Variants in SLC8A3 observed in about 807,000 individuals in gnomAD.
SLC8A3 encodes sodium/calcium exchanger 3.
SLC8A3 carries 37 observed loss-of-function variants against 65.4 expected under a neutral mutation model. That is an observed-to-expected ratio of 0.57 (90% CI 0.44 to 0.74). The LOEUF is 0.74. SLC8A3 is among the 30% of genes least tolerant of loss of function. SLC8A3 has a pLI of 0.00. For synonymous variants in SLC8A3, 461 were observed against 444.5 expected (o/e 1.04, Z -0.47); for missense variants, 1,112 against 1,172.1 (o/e 0.95, Z 0.75).
chr14:70,179,024 C>T (rs547362968), intron 1 of SLC8A3, among the ~76,000 whole-genome samples: 1 of 152,234 alleles, frequency 6.6e-6, no homozygotes, highest in East Asian at 1.9e-4. Flanking sequence ...TTGTTTTGCT[C>T]CACCCATACT....
rs538835195 is a variant in SLC8A3, at chr14:70,079,660, C to G, written c.1785-18721G>C. The stretch of plus-strand genomic sequence containing the variant: ...CCCACCCCCATGCCATATAATCACG[C>G]ACCCTGGGAAATGCAGCCTTGCCAA... On this transcript the variant is annotated intron_variant, in intron 2 of 6. Coordinates refer to ENST00000356921, the MANE Select transcript of SLC8A3 (RefSeq NM_182932.3). Among the ~76,000 whole-genome samples, 5 of 152,202 alleles carry G rather than the reference C, an allele frequency of 3.3e-5. 1 individual carries two copies. Among genetic ancestry groups the G allele is most frequent in the African/African-American group, 1.2e-4 (5 of 41,538 alleles).
chr14:70,184,465 G>C (rs1054194835), intron 1 of SLC8A3, among the ~76,000 whole-genome samples: 3 of 152,036 alleles, frequency 2.0e-5, no homozygotes, highest in Non-Finnish European at 2.9e-5. Context: ...ATCCATGTTA[G>C]GTCTTTACAT....
chr14:70,066,350 A>T (rs1295907162), intron 2 of SLC8A3, among the ~76,000 whole-genome samples: 1 of 152,120 alleles, frequency 6.6e-6, no homozygotes, highest in Non-Finnish European at 1.5e-5. Flanking sequence ...TTCTTTCCAA[A>T]CTTGTTCTTT....
At chr14:70,125,710 G>T (rs1894397772) in intron 2 of SLC8A3, among the ~76,000 whole-genome samples, 1 of 152,030 alleles carries the variant, frequency 6.6e-6, no homozygotes, top group Non-Finnish European at 1.5e-5. Context: ...GGGATTGCTG[G>T]ATCATATGGT....
chr14:70,048,890 T>A lies in SLC8A3; in HGVS notation c.2266A>T (p.Ile756Phe), dbSNP rs1426607884. ...GCGGTGAGCATGCCAATGATGAGGA[T>A]GGAGACGGCGAAGCAGGCCCAGCCG... is the stretch of plus-strand genomic sequence containing the variant. ...CHGWACFAVSILIIGMLTAII... is the reference protein window; with the variant it reads ...CHGWACFAVSFLIIGMLTAII... The change falls in exon 6 of 7, where the codon ATC becomes TTC. Residue 756 changes from isoleucine to phenylalanine, a missense_variant. Coordinates refer to ENST00000356921, the MANE Select transcript of SLC8A3 (RefSeq NM_182932.3). 6.2e-7 allele frequency: 1 copy of A among 1,614,130 alleles called. No individual in the cohort carries two copies. The highest frequency in any genetic ancestry group is 8.5e-7 in the Non-Finnish European group (1 of 1,180,016).
Position 70,046,781 on chromosome 14 carries a change from AGGTGCT to A in SLC8A3, c.2390-464_2390-459del, listed in dbSNP as rs752775482. On this transcript the variant is annotated intron_variant, in intron 6 of 6. Transcript: ENST00000356921. This position sits in a 1 kb window ranked among gnomAD's most constrained non-coding sequence, Gnocchi z 4.2. The stretch of plus-strand genomic sequence containing the variant: ...ATGCCTACTGATTGAGCACTGGGTG[AGGTGCT>A]GGATTTTGGGGACAGAGGACATGTT... The A allele has an allele frequency of 1.3e-5, 2 of 158,102 alleles. 1 individual carries two copies. The allele number at this position is 158,102 out of a possible 1,614,324, so 9.8% of individuals were successfully genotyped here. A position where few individuals can be genotyped will look rare whatever the true frequency, so the allele number is the denominator to read the frequency against.
intron 2 of SLC8A3, among the ~76,000 whole-genome samples, chr14:70,109,624 T>C (rs1471986353): frequency 6.6e-6 from 1 of 151,902 alleles, no homozygotes; most frequent in Non-Finnish European, 1.5e-5. Flanking sequence ...TGGCTAATTT[T>C]TGTATTTTTG....
intron 2 of SLC8A3, among the ~76,000 whole-genome samples, chr14:70,070,518 T>C (rs546804723): frequency 1.5e-4 from 23 of 152,164 alleles, no homozygotes; most frequent in Non-Finnish European, 3.1e-4. Flanking sequence ...AACTATTGAT[T>C]TGTGGATCCA....
intron 2 of SLC8A3, among the ~76,000 whole-genome samples, chr14:70,079,618 C>A (rs977909304): frequency 2.6e-5 from 4 of 152,082 alleles, no homozygotes; most frequent in African/African-American, 9.7e-5. Context: ...GTTCCATGTC[C>A]GGGCATCATA....
chr14:70,148,858 G>A, intron 2 of SLC8A3, among the ~76,000 whole-genome samples: 1 of 152,184 alleles, frequency 6.6e-6, no homozygotes, highest in Non-Finnish European at 1.5e-5. Flanking sequence ...AGAGATGCGA[G>A]TGGGGCCGTG....
intron 1 of SLC8A3, among the ~76,000 whole-genome samples, chr14:70,174,662 G>GTTTT (rs10527244): frequency 4.5e-5 from 3 of 66,516 alleles, no homozygotes; most frequent in Admixed American, 1.7e-4. Context: ...TTTTTTTTTT[G>GTTTT]TTTTTTTTTT....
At chr14:70,149,052 G>A (rs1384116427) in intron 2 of SLC8A3, among the ~76,000 whole-genome samples, 1 of 152,202 alleles carries the variant, frequency 6.6e-6, no homozygotes, top group African/African-American at 2.4e-5. Flanking sequence ...AGTGGTCAGG[G>A]CTGGGGTTGC....
intron 2 of SLC8A3, chr14:70,063,748 C>T: frequency 1.2e-6 from 1 of 815,138 alleles, no homozygotes; most frequent in South Asian, 1.6e-5. Flanking sequence ...GAGGAGGAGA[C>T]AAATGGGTTG....
At chr14:70,061,532 AAGAGAG>A (rs149638039) in intron 2 of SLC8A3, among the ~76,000 whole-genome samples, 4 of 148,044 alleles carry the variant, frequency 2.7e-5, no homozygotes, top group African/African-American at 1.0e-4. Context: ...AGAGGAAGAG[AAGAGAG>A]AGAGAGAGAG....
intron 2 of SLC8A3, among the ~76,000 whole-genome samples, chr14:70,099,120 T>C (rs1012077868): frequency 1.3e-5 from 2 of 152,210 alleles, no homozygotes; most frequent in Non-Finnish European, 2.9e-5. Context: ...ACCATTTTCT[T>C]GCTATTTTCC....
chr14:70,104,701 A>G (rs1892741066), intron 2 of SLC8A3, among the ~76,000 whole-genome samples: 1 of 152,236 alleles, frequency 6.6e-6, no homozygotes. Context: ...ATTTCTAAAC[A>G]GCCTATGGGC....
chr14:70,098,467 G>T (rs1892339245), intron 2 of SLC8A3, among the ~76,000 whole-genome samples: 1 of 152,262 alleles, frequency 6.6e-6, no homozygotes, highest in South Asian at 2.1e-4. Context: ...GATTCCTTTT[G>T]CCAGGCAGAA....
chr14:70,085,509 C>T (rs1019051262), intron 2 of SLC8A3, among the ~76,000 whole-genome samples: 1 of 152,152 alleles, frequency 6.6e-6, no homozygotes, highest in Non-Finnish European at 1.5e-5. Context: ...ACCCGACCCA[C>T]CTCCCCGCCT....
intron 2 of SLC8A3, among the ~76,000 whole-genome samples, chr14:70,084,238 A>C (rs1420119926): frequency 6.6e-6 from 1 of 152,218 alleles, no homozygotes; most frequent in Non-Finnish European, 1.5e-5. Context: ...GTTATTTTCC[A>C]AGATGGAGGT....
Sources: allele counts gnomAD v4.1 joint callset (sites outside exome capture counted in the v4.1 genomes callset), GRCh38; gene constraint gnomAD v4.1.1; non-coding constraint Gnocchi (gnomAD v3.1); transcripts MANE v1.5; gene names NCBI Gene and HGNC (gene_info 2026-07-23, HGNC 2026-07-21).